PRKAR1B: variants seen among roughly 807,000 people sequenced by gnomAD.
PRKAR1B encodes the protein protein kinase cAMP-dependent type I regulatory subunit beta, also known as cAMP-dependent protein kinase type I-beta regulatory subunit.
In PRKAR1B, 22 loss-of-function variants were observed where a neutral mutation model predicts 46.5. That is an observed-to-expected ratio of 0.47 (90% CI 0.34 to 0.68). The LOEUF is 0.68. Among genes scored for constraint, PRKAR1B ranks in the 30% least tolerant of loss-of-function variants. PRKAR1B has a pLI of 0.01. For missense variants in PRKAR1B, 445 were observed against 535.6 expected (o/e 0.83, Z 1.67); for synonymous variants, 259 against 217.7 (o/e 1.19, Z -1.67).
At chr7:713,746 T>C (rs1282744045) in intron 1 of PRKAR1B, among the ~76,000 whole-genome samples, 1 of 152,186 alleles carries the variant, frequency 6.6e-6, no homozygotes, top group Non-Finnish European at 1.5e-5. Context: ...GCACAGGCAC[T>C]ACACAGGTCA....
chr7:636,822 ACGCCAAAC>A (rs143112909), intron 4 of PRKAR1B, among the ~76,000 whole-genome samples: 1 of 152,166 alleles, frequency 6.6e-6, no homozygotes, highest in Non-Finnish European at 1.5e-5. Flanking sequence ...TGGGTATCAC[ACGCCAAAC>A]TCCCTGCTAT....
At chr7:670,264 A>C (rs1786161303) in intron 4 of PRKAR1B, among the ~76,000 whole-genome samples, 2 of 152,122 alleles carry the variant, frequency 1.3e-5, no homozygotes, top group Admixed American at 1.3e-4. Context: ...ATGAAACCCC[A>C]CTTCATATTC....
chr7:689,131 T>C (rs1320474619), intron 2 of PRKAR1B, among the ~76,000 whole-genome samples: 1 of 152,162 alleles, frequency 6.6e-6, no homozygotes, highest in Non-Finnish European at 1.5e-5. Context: ...ATTTTTTTTT[T>C]TTGAGGCAGA....
intron 2 of PRKAR1B, among the ~76,000 whole-genome samples, chr7:698,759 C>T (rs115685949): frequency 0.042 from 6,391 of 152,042 alleles, 421 homozygotes; most frequent in African/African-American, 0.13. Context: ...CACGACTCCA[C>T]GTACCCTCCT....
intron 4 of PRKAR1B, among the ~76,000 whole-genome samples, chr7:634,214 G>A (rs1232836452): frequency 3.3e-5 from 5 of 151,852 alleles, no homozygotes; most frequent in African/African-American, 1.2e-4. Context: ...GTAGAGACGG[G>A]GTTTCAAATG....
rs1309937087 is a variant in PRKAR1B, at chr7:711,419, C to T, written c.87G>A (p.Gln29=). 7.4e-6 allele frequency: 12 copies of T among 1,614,118 alleles called. No homozygotes were observed. The highest frequency in any genetic ancestry group is 1.0e-5 in the Non-Finnish European group (12 of 1,180,026). ...GGTGGACGATACAGTCTTTGAGGAC[C>T]TGCTGGATCCCGTGCAGCTGCACGT... ...ELYVQLHGIQ[Q]VLKDCIVHLC... is the part of the protein sequence containing the mutation. Residue 29 remains glutamine (Q), a synonymous_variant, in exon 2 of 11, where the codon CAG becomes CAA. Coordinates refer to ENST00000537384, the MANE Select transcript of PRKAR1B (RefSeq NM_001164760.2).
chr7:695,429 C>T (rs951622348), intron 2 of PRKAR1B, among the ~76,000 whole-genome samples: 1 of 152,144 alleles, frequency 6.6e-6, no homozygotes, highest in African/African-American at 2.4e-5. Context: ...AGCCCCGTGC[C>T]GGTCAGGAAG....
At chr7:689,557 C>T (rs752841272) in intron 2 of PRKAR1B, among the ~76,000 whole-genome samples, 1 of 152,122 alleles carries the variant, frequency 6.6e-6, no homozygotes, top group Non-Finnish European at 1.5e-5. Context: ...ATTGTAAACA[C>T]TTTCCTTCTT....
intron 4 of PRKAR1B, among the ~76,000 whole-genome samples, chr7:672,246 G>T (rs895769854): frequency 1.3e-4 from 20 of 152,072 alleles, no homozygotes; most frequent in African/African-American, 4.8e-4. Flanking sequence ...CGCCACCCGG[G>T]TTCAAGCAAT....
intron 8 of PRKAR1B, 113 bp from the exon 9 acceptor site, chr7:579,490 C>G (rs1462266825): frequency 7.5e-7 from 1 of 1,340,872 alleles, no homozygotes; most frequent in East Asian, 2.4e-5. Flanking sequence ...AATCACAACA[C>G]CAGCTCCGTG....
In PRKAR1B at chr7:690,726, C is replaced by T. The variant is rs146149986; in HGVS notation, c.178-10000G>A. Among the ~76,000 whole-genome samples, 1,263 of 152,294 alleles carry T rather than the reference C, an allele frequency of 8.3e-3. 19 individuals carry two copies. The highest frequency in any genetic ancestry group is 0.029 in the African/African-American group (1,189 of 41,572). On this transcript the variant is annotated intron_variant, in intron 2 of 10. Transcript: ENST00000537384. ...CCCCACCAGCTGCACACCCAGAAGA[C>T]GGGGCTCCTCAGGAAGGGGCTGGTG... is the stretch of plus-strand genomic sequence containing the variant.
intron 7 of PRKAR1B, among the ~76,000 whole-genome samples, chr7:587,166 G>A (rs1054014876): frequency 2.0e-5 from 3 of 152,190 alleles, no homozygotes; most frequent in Non-Finnish European, 4.4e-5. Context: ...GGACTGGACA[G>A]GAGAAGCAAG....
rs373777461 is a variant in PRKAR1B, at chr7:628,707, G to A, written c.441-21255C>T. On this transcript the variant is annotated intron_variant, in intron 4 of 10. Transcript: ENST00000537384. ...CTCAATGTCTCAGGTGCACTGCAGG[G>A]CAACCCCGCCTACCCCGGGTAGAGT... is the stretch of plus-strand genomic sequence containing the variant. Among the ~76,000 whole-genome samples the A allele has an allele frequency of 2.7e-4, 41 of 152,292 alleles. No individual in the cohort carries two copies. In the East Asian group the frequency reaches 7.6e-3, roughly 28 times the overall value.
chr7:643,717 A>G (rs1784499040), intron 4 of PRKAR1B, among the ~76,000 whole-genome samples: 1 of 151,482 alleles, frequency 6.6e-6, no homozygotes. Context: ...GCGAGACTCC[A>G]TCTTGAAAAA....
At chr7:669,985 C>G (rs2128500673) in intron 4 of PRKAR1B, among the ~76,000 whole-genome samples, 1 of 150,682 alleles carries the variant, frequency 6.6e-6, no homozygotes, top group African/African-American at 2.4e-5. Flanking sequence ...CCTGCCTCAG[C>G]CTCCTTAGCA....
intron 6 of PRKAR1B, among the ~76,000 whole-genome samples, chr7:605,958 G>A (rs1782016710): frequency 6.6e-6 from 1 of 152,184 alleles, no homozygotes. Flanking sequence ...CAGCGGCCCT[G>A]GAAAACCTGA....
intron 4 of PRKAR1B, 135 bp downstream of exon 4, chr7:677,094 G>A (rs1019218452): frequency 3.8e-5 from 31 of 810,322 alleles, no homozygotes; most frequent in Admixed American, 6.1e-5. Flanking sequence ...ATTCCCAGGC[G>A]AGCAACGGGG....
chr7:562,332 G>T (rs1035788902), intron 9 of PRKAR1B, among the ~76,000 whole-genome samples: 6 of 152,262 alleles, frequency 3.9e-5, no homozygotes, highest in Non-Finnish European at 7.4e-5. Context: ...CCTGTGGTTT[G>T]TGTGGCTTCA....
At chr7:592,854 G>A (rs1781061615) in intron 7 of PRKAR1B, among the ~76,000 whole-genome samples, 2 of 152,066 alleles carry the variant, frequency 1.3e-5, no homozygotes, top group South Asian at 4.1e-4. Context: ...GTGGCATAGT[G>A]AGACCAGGTC....
Sources: allele counts gnomAD v4.1 joint callset (sites outside exome capture counted in the v4.1 genomes callset), GRCh38; gene constraint gnomAD v4.1.1; transcripts MANE v1.5; gene names NCBI Gene and HGNC (gene_info 2026-07-23, HGNC 2026-07-21).